The following MIPOL1 variants were observed in gnomAD, a reference collection of about 807,000 sequenced individuals.
The protein encoded by MIPOL1 is mirror-image polydactyly gene 1 protein.
Under a neutral mutation model 60.9 loss-of-function variants are expected in MIPOL1, and 57 were observed. That is an observed-to-expected ratio of 0.94 (90% CI 0.76 to 1.17). MIPOL1 has a LOEUF of 1.17. Ranked by LOEUF, MIPOL1 falls within the 50% of genes most tolerant of loss-of-function variation. MIPOL1 has a pLI of 0.00. For missense variants in MIPOL1, 551 were observed against 511.6 expected, an observed-to-expected ratio of 1.08 and a Z score of -0.74; for synonymous variants, 179 against 168.8, an observed-to-expected ratio of 1.06 and a Z score of -0.47.
At chr14:37,361,459 G>T (rs755825106) in intron 9 of MIPOL1, among the ~76,000 whole-genome samples, 1 of 152,066 alleles carries the variant, frequency 6.6e-6, no homozygotes, top group Non-Finnish European at 1.5e-5. Context: ...CTGTGTGGGA[G>T]TCTACGTCTC....
chr14:37,449,685 A>G (rs968913498), intron 11 of MIPOL1, among the ~76,000 whole-genome samples: 2 of 152,168 alleles, frequency 1.3e-5, no homozygotes, highest in East Asian at 3.8e-4. Flanking sequence ...AAAATACTTA[A>G]CCAAGTACTT....
intron 12 of MIPOL1, among the ~76,000 whole-genome samples, chr14:37,525,409 G>A (rs1031876498): frequency 6.6e-6 from 1 of 152,156 alleles, no homozygotes; most frequent in Non-Finnish European, 1.5e-5. Flanking sequence ...GGGCTATGTT[G>A]CTGTAAGTCT....
chr14:37,259,433 G>T (rs1209551990), intron 3 of MIPOL1, among the ~76,000 whole-genome samples: 1 of 151,858 alleles, frequency 6.6e-6, no homozygotes, highest in Non-Finnish European at 1.5e-5. Flanking sequence ...CAGGTGTGGT[G>T]GTACATGCCT....
chr14:37,515,866 T>C (rs1594827800), intron 12 of MIPOL1, among the ~76,000 whole-genome samples: 1 of 152,284 alleles, frequency 6.6e-6, no homozygotes, highest in East Asian at 1.9e-4. Context: ...GACTTTCTGA[T>C]GCTCTTTTTT....
intron 7 of MIPOL1, among the ~76,000 whole-genome samples, chr14:37,292,024 C>T (rs1386059591): frequency 6.9e-6 from 1 of 145,822 alleles, no homozygotes; most frequent in East Asian, 2.1e-4. Context: ...CTCCCGGGTT[C>T]ATGCCATTCT....
At chr14:37,404,108 G>A (rs1045246498) in intron 10 of MIPOL1, among the ~76,000 whole-genome samples, 1 of 151,960 alleles carries the variant, frequency 6.6e-6, no homozygotes, top group Non-Finnish European at 1.5e-5. Flanking sequence ...GGTCCAACAT[G>A]GTATTTCTTT....
intron 7 of MIPOL1, among the ~76,000 whole-genome samples, chr14:37,288,722 G>A (rs866698512): frequency 1.1e-4 from 16 of 151,888 alleles, no homozygotes; most frequent in African/African-American, 3.9e-4. Flanking sequence ...GAGGTGGGAG[G>A]ATCGCTTGAG....
At chr14:37,366,061 T>C (rs2092459866) in intron 9 of MIPOL1, among the ~76,000 whole-genome samples, 1 of 152,110 alleles carries the variant, frequency 6.6e-6, no homozygotes, top group African/African-American at 2.4e-5. Flanking sequence ...GTATCTCTTT[T>C]CATCTTTGAG....
intron 9 of MIPOL1, among the ~76,000 whole-genome samples, chr14:37,336,936 A>G (rs879878813): frequency 2.6e-5 from 4 of 151,602 alleles, no homozygotes; most frequent in Non-Finnish European, 4.4e-5. Flanking sequence ...AATTTTTTGT[A>G]TTTTTAGTAG....
intron 12 of MIPOL1, among the ~76,000 whole-genome samples, chr14:37,528,452 A>AG (rs2095460949): frequency 6.6e-6 from 1 of 152,046 alleles, no homozygotes; most frequent in South Asian, 2.1e-4. Flanking sequence ...TAGAATTGTT[A>AG]GAAAAAGTTT....
At chr14:37,504,960 T>A (rs138997602) in intron 12 of MIPOL1, 3 of 151,938 alleles carry the variant, frequency 2.0e-5, no homozygotes, top group African/African-American at 2.4e-5. Context: ...TACCATCAGA[T>A]AATACTATAA....
chr14:37,362,064 A>G (rs866854985), intron 9 of MIPOL1, among the ~76,000 whole-genome samples: 2 of 152,068 alleles, frequency 1.3e-5, no homozygotes, highest in South Asian at 2.1e-4. Context: ...ACTCTATCCA[A>G]TTTGCCAGTC....
At chr14:37,307,323 T>C (rs1342350574) in intron 7 of MIPOL1, among the ~76,000 whole-genome samples, 1 of 151,984 alleles carries the variant, frequency 6.6e-6, no homozygotes, top group Non-Finnish European at 1.5e-5. Flanking sequence ...TAAATTATAT[T>C]ATAGACATTT....
At position 37,388,707 on chromosome 14, in the gene MIPOL1, G is replaced by A. The variant is rs113405224; in HGVS notation, c.936+19083G>A. Among the ~76,000 whole-genome samples, 322 of 151,894 alleles carry A rather than the reference G, an allele frequency of 2.1e-3. 1 individual carries two copies. Among genetic ancestry groups the A allele is most frequent in the African/African-American group, 7.2e-3 (300 of 41,460 alleles). Reference sequence around the variant, plus strand: ...CTTTTTTGTCACTATAAATTCACTTGCATTTTCTGGAATGCTATGCAAGTA... The same window carrying A: ...CTTTTTTGTCACTATAAATTCACTTACATTTTCTGGAATGCTATGCAAGTA... On this transcript the variant is annotated intron_variant, in intron 10 of 12. Coordinates refer to ENST00000684589, the MANE Select transcript of MIPOL1 (RefSeq NM_001388067.1).
chr14:37,321,303 G>T (rs1159264079), intron 9 of MIPOL1, among the ~76,000 whole-genome samples: 1 of 151,794 alleles, frequency 6.6e-6, no homozygotes, highest in Non-Finnish European at 1.5e-5. Flanking sequence ...TATTATATAT[G>T]TTGAAATATT....
rs892086900 is a variant in MIPOL1, at chr14:37,549,320, G to A, written c.*2349G>A. Reference sequence around the variant, plus strand: ...CAAAATGCTAATACTAACATTTGTAGCACTTGATGATTTACAAAGTCCTTT... The same window carrying A: ...CAAAATGCTAATACTAACATTTGTAACACTTGATGATTTACAAAGTCCTTT... On this transcript the variant is annotated 3_prime_UTR_variant, in exon 13 of 13. Coordinates refer to ENST00000684589, the MANE Select transcript of MIPOL1 (RefSeq NM_001388067.1). 5 of 151,742 alleles carry A rather than the reference G, an allele frequency of 3.3e-5. No homozygotes were observed. Among genetic ancestry groups the A allele is most frequent in the African/African-American group, 1.2e-4 (5 of 41,370 alleles). The allele number at this position is 151,742 out of a possible 1,614,324, so 9.4% of individuals were successfully genotyped here. A position where few individuals can be genotyped will look rare whatever the true frequency, so the allele number is the denominator to read the frequency against.
At position 37,521,893 on chromosome 14, in the gene MIPOL1, A is replaced by AAAAAT. The variant is rs371492296; in HGVS notation, c.1262+21756_1262+21757insAAATA. ...CCAAGACTTTATCTAAAGAAAAAAA[A>AAAAAT]ATATATATATATATATATTTTTTTT... On this transcript the variant is annotated intron_variant, in intron 12 of 12. Coordinates refer to ENST00000684589, the MANE Select transcript of MIPOL1 (RefSeq NM_001388067.1). Among the ~76,000 whole-genome samples the AAAAAT allele has an allele frequency of 3.5e-3, 427 of 123,546 alleles. 2 individuals carry two copies. The highest frequency in any genetic ancestry group is 4.7e-3 in the Non-Finnish European group (281 of 59,878). The allele number at this position is 123,546 out of a possible 152,430, so 81.1% of individuals were successfully genotyped here.
intron 3 of MIPOL1, among the ~76,000 whole-genome samples, chr14:37,262,509 A>G (rs1433755150): frequency 6.6e-6 from 1 of 152,100 alleles, no homozygotes; most frequent in Non-Finnish European, 1.5e-5. Context: ...TTCTTTTTAT[A>G]TTTATAAAAT....
At chr14:37,298,551 A>C (rs1181963130) in intron 7 of MIPOL1, among the ~76,000 whole-genome samples, 1 of 152,202 alleles carries the variant, frequency 6.6e-6, no homozygotes. Flanking sequence ...CAACCTACTC[A>C]TCTGACAAAG....
Sources: gnomAD v4.1 joint callset for allele counts (sites outside exome capture counted in the v4.1 genomes callset) on GRCh38, gnomAD v4.1.1 for gene constraint, MANE v1.5 for transcripts, NCBI Gene and HGNC (gene_info 2026-07-23, HGNC 2026-07-21) for gene names.